MPPED1: variants seen among roughly 807,000 people sequenced by gnomAD.
The protein encoded by MPPED1 is metallophosphoesterase domain-containing protein 1.
A neutral mutation model predicts 36.2 loss-of-function variants in MPPED1; 16 were observed. That is an observed-to-expected ratio of 0.44 (90% CI 0.30 to 0.67). The LOEUF (loss-of-function observed/expected upper bound fraction) is 0.67. Ranked by LOEUF, MPPED1 falls within the 30% of genes least tolerant of loss-of-function variation. MPPED1 has a pLI of 0.10. For missense variants in MPPED1, 307 were observed against 453.4 expected, an observed-to-expected ratio of 0.68 and a Z score of 2.93; for synonymous variants, 199 against 191.3, an observed-to-expected ratio of 1.04 and a Z score of -0.33.
At chr22:43,499,915 AGGTGGTGGTGGTGATGGTGGAGGT>A (rs1932601597) in intron 5 of MPPED1, among the ~76,000 whole-genome samples, 1 of 6,916 alleles carries the variant, frequency 1.4e-4, no homozygotes, top group Non-Finnish European at 2.9e-4. Context: ...ATGGTGATGG[AGGTGGTGGTGGTGATGGTGGAGGT>A]GGTGGTGGTG....
At chr22:43,453,325 C>T (rs887399465) in intron 3 of MPPED1, among the ~76,000 whole-genome samples, 1 of 129,068 alleles carries the variant, frequency 7.7e-6, no homozygotes. Flanking sequence ...CCCCGCACCA[C>T]CCCCCCTGCC....
chr22:43,412,173 G>C lies in MPPED1; in HGVS notation c.-79+15G>C. The stretch of plus-strand genomic sequence containing the variant: ...CCCGGGGCCAGGTAGGACCGGAGGC[G>C]GGCGGGGCGCGGCGGGCGCGGGCGG... On this transcript the variant is annotated intron_variant, in intron 1 of 6. Transcript: ENST00000443721. 1.0e-6 allele frequency: 1 copy of C among 979,308 alleles called. No homozygotes were observed. Among genetic ancestry groups the C allele is most frequent in the Non-Finnish European group, 1.2e-6 (1 of 827,026 alleles). 60.7% of individuals were successfully genotyped at this position (979,308 alleles called of 1,614,324 possible).
chr22:43,485,588 T>G (rs1439538044), intron 4 of MPPED1, among the ~76,000 whole-genome samples: 1 of 152,110 alleles, frequency 6.6e-6, no homozygotes, highest in Admixed American at 6.6e-5. Context: ...TCTGCCCCCT[T>G]CCTATCTTCA....
chr22:43,438,440 C>G (rs1930038625), intron 3 of MPPED1, among the ~76,000 whole-genome samples: 1 of 152,082 alleles, frequency 6.6e-6, no homozygotes, highest in African/African-American at 2.4e-5. Flanking sequence ...AGGCACTGGT[C>G]CACACAGGCC....
intron 3 of MPPED1, among the ~76,000 whole-genome samples, chr22:43,473,756 C>T (rs1257216143): frequency 6.6e-6 from 1 of 152,110 alleles, no homozygotes; most frequent in African/African-American, 2.4e-5. Context: ...CTGTGGTGGT[C>T]TTGCGCCTGC....
At chr22:43,420,121 G>A (rs1200388877) in intron 1 of MPPED1, among the ~76,000 whole-genome samples, 1 of 152,060 alleles carries the variant, frequency 6.6e-6, no homozygotes, top group East Asian at 1.9e-4. Flanking sequence ...CCCCTCAAGG[G>A]GACCACTGAA....
At chr22:43,500,029 TGGTGAGGGA>T (rs1932615407) in intron 5 of MPPED1, among the ~76,000 whole-genome samples, 1 of 73,340 alleles carries the variant, frequency 1.4e-5, no homozygotes, top group Non-Finnish European at 2.5e-5. Context: ...GTGGTGGTGG[TGGTGAGGGA>T]GGTGGTGATG....
At chr22:43,431,048 T>G (rs1217538341) in intron 2 of MPPED1, among the ~76,000 whole-genome samples, 6 of 103,854 alleles carry the variant, frequency 5.8e-5, no homozygotes, top group Non-Finnish European at 1.1e-4. Context: ...TTTTTTTTTT[T>G]TTTTTTTTTT....
chr22:43,499,509 AGGTGAT>A (rs1290789418), intron 5 of MPPED1, among the ~76,000 whole-genome samples: 2 of 56,488 alleles, frequency 3.5e-5, no homozygotes, highest in Non-Finnish European at 7.0e-5. Context: ...GTGGTAATGG[AGGTGAT>A]GGTGGTGGTG....
intron 4 of MPPED1, among the ~76,000 whole-genome samples, chr22:43,495,954 AGGT>A (rs1265583919): frequency 1.8e-5 from 2 of 111,682 alleles, no homozygotes; most frequent in African/African-American, 3.4e-5. Context: ...GTGGTGGTGG[AGGT>A]GGTGGTGGTG....
intron 3 of MPPED1, among the ~76,000 whole-genome samples, chr22:43,441,469 G>A (rs539558391): frequency 5.3e-5 from 8 of 152,266 alleles, no homozygotes; most frequent in South Asian, 2.1e-4. Flanking sequence ...TGGTCAGCAC[G>A]GGTCCTCAGA....
intron 4 of MPPED1, 37 bp from the exon 5 acceptor site, chr22:43,498,198 A>C: frequency 6.7e-7 from 1 of 1,499,762 alleles, no homozygotes. Flanking sequence ...CTGTACTTTC[A>C]CCCGCCCTCC....
At chr22:43,422,481 G>T (rs1445765406) in intron 1 of MPPED1, among the ~76,000 whole-genome samples, 2 of 152,148 alleles carry the variant, frequency 1.3e-5, no homozygotes, top group African/African-American at 2.4e-5. Context: ...ACCATGCAGG[G>T]TCTTATGGTC....
chr22:43,469,700 CA>C (rs1260817448), intron 3 of MPPED1, among the ~76,000 whole-genome samples: 1 of 151,864 alleles, frequency 6.6e-6, no homozygotes, highest in Admixed American at 6.6e-5. Context: ...GAGGGTGAGT[CA>C]AAAAAATGCC....
chr22:43,487,824 C>G (rs1464613889), intron 4 of MPPED1, among the ~76,000 whole-genome samples: 1 of 152,138 alleles, frequency 6.6e-6, no homozygotes, highest in Non-Finnish European at 1.5e-5. Flanking sequence ...AACGGGCGGG[C>G]CTCCCAACTG....
intron 1 of MPPED1, chr22:43,416,830 A>C (rs1929091045): frequency 5.7e-6 from 1 of 175,612 alleles, no homozygotes; most frequent in Non-Finnish European, 1.1e-5. Context: ...GGAGTAGAGC[A>C]CTGGTTTACA....
rs577756971 is a variant in MPPED1 at position 43,498,317 on chromosome 22, G to A, written c.715G>A (p.Val239Ile). 316 of 1,535,332 alleles carry A rather than the reference G, an allele frequency of 2.1e-4. No homozygotes were observed. The highest frequency in any genetic ancestry group is 6.8e-4 in the African/African-American group (50 of 73,146). Residue 239 changes from valine to isoleucine, a missense_variant, in exon 5 of 7, where the codon GTA becomes ATA. Coordinates refer to ENST00000443721, the MANE Select transcript of MPPED1 (RefSeq NM_001044370.2). ...GAAATGGAACCTCATTCCCGAAGGC[G>A]TAGACATCCTGATAACCCATGGACC... ...LEKWNLIPEG[V>I]DILITHGPPL...
intron 4 of MPPED1, among the ~76,000 whole-genome samples, chr22:43,478,857 A>G (rs111763872): frequency 0.055 from 8,292 of 152,058 alleles, 412 homozygotes; most frequent in African/African-American, 0.13. Flanking sequence ...CTTCCCAGTA[A>G]GTGGGAAGGT....
At chr22:43,481,690 C>G (rs1410783103) in intron 4 of MPPED1, among the ~76,000 whole-genome samples, 1 of 152,150 alleles carries the variant, frequency 6.6e-6, no homozygotes, top group African/African-American at 2.4e-5. Flanking sequence ...CTCTTCCGTG[C>G]TGCTCTCTCT....
Sources: allele counts gnomAD v4.1 joint callset (sites outside exome capture counted in the v4.1 genomes callset), GRCh38; gene constraint gnomAD v4.1.1; transcripts MANE v1.5; gene names NCBI Gene and HGNC (gene_info 2026-07-23, HGNC 2026-07-21).